CSNK1G2: variants seen among roughly 807,000 people sequenced by gnomAD.
CSNK1G2 encodes casein kinase 1 gamma 2.
Under a neutral mutation model 48.0 loss-of-function variants are expected in CSNK1G2, and 11 were observed. The observed-to-expected ratio is 0.23, with a 90% confidence interval of 0.14 to 0.38. The LOEUF (loss-of-function observed/expected upper bound fraction) is 0.38. Ranked by LOEUF, CSNK1G2 falls within the 10% of genes least tolerant of loss-of-function variation. The pLI, the probability that CSNK1G2 is intolerant of heterozygous loss-of-function variation, is 1.00. For missense variants in CSNK1G2, 446 were observed against 595.5 expected (o/e 0.75, Z 2.61); for synonymous variants, 337 against 254.1 (o/e 1.33, Z -3.10).
intron 1 of CSNK1G2, among the ~76,000 whole-genome samples, chr19:1,960,225 C>A (rs2015153391): frequency 6.6e-6 from 1 of 152,222 alleles, no homozygotes; most frequent in African/African-American, 2.4e-5. Context: ...GGCCTTCTCG[C>A]CCTCAGTCCA....
In CSNK1G2 at chr19:1,979,843, C is replaced by G; in HGVS notation, c.1086+8C>G. ...CCGCACAGCAAAAACCAGGTGAGGC[C>G]CGGGCGGGACCGACCGCCCCAGGGA... On this transcript the variant is annotated splice_region_variant and intron_variant, in intron 10 of 11. Transcript: ENST00000255641. 1 of 1,601,928 alleles carries G rather than the reference C, an allele frequency of 6.2e-7. No homozygotes were observed.
intron 2 of CSNK1G2, chr19:1,975,710 T>G: frequency 1.0e-6 from 1 of 982,466 alleles, no homozygotes; most frequent in Non-Finnish European, 1.2e-6. Flanking sequence ...GCTCTAAAAC[T>G]TCAAACCTGG....
chr19:1,969,283 G>A (rs2015484757), intron 1 of CSNK1G2, among the ~76,000 whole-genome samples: 1 of 72,912 alleles, frequency 1.4e-5, no homozygotes, highest in Non-Finnish European at 2.6e-5. Flanking sequence ...GCCCTACCCT[G>A]TTCGTCCCCA....
chr19:1,969,642 C>T lies in CSNK1G2; in HGVS notation c.-131C>T, dbSNP rs569554209. On this transcript the variant is annotated 5_prime_UTR_variant, in exon 2 of 12. Coordinates refer to ENST00000255641, the MANE Select transcript of CSNK1G2 (RefSeq NM_001319.7). Reference sequence around the variant, plus strand: ...CGCCTGCGTCTCAGTAGCTGGGAGCCACGGGCCCACGCCCGCCCACCGGCC... The same window carrying T: ...CGCCTGCGTCTCAGTAGCTGGGAGCTACGGGCCCACGCCCGCCCACCGGCC... 1.3e-6 allele frequency: 1 copy of T among 799,004 alleles called. No individual in the cohort carries two copies. The highest frequency in any genetic ancestry group is 6.8e-5 in the South Asian group (1 of 14,716). 49.5% of individuals were successfully genotyped at this position (799,004 alleles called of 1,614,324 possible). A position where few individuals can be genotyped will look rare whatever the true frequency, so the allele number is the denominator to read the frequency against.
At position 1,980,196 on chromosome 19, in the gene CSNK1G2, A is replaced by T. The variant is rs1168446534; in HGVS notation, c.1241A>T (p.His414Leu). Residue 414 changes from histidine (H) to leucine (L), a missense_variant, in exon 12 of 12, where the codon CAC becomes CTC. Transcript: ENST00000255641. ...AGAAAGAGAAAATCGCTGCAGCGAC[A>T]CAAGTGACCCTGGGCGCGTGCAGCC... ...KRRKRKSLQR[H>L]K The T allele has an allele frequency of 6.2e-7, 1 of 1,612,884 alleles. No homozygotes were observed. The highest frequency in any genetic ancestry group is 8.5e-7 in the Non-Finnish European group (1 of 1,179,838).
intron 2 of CSNK1G2, chr19:1,975,070 C>T (rs1056516569): frequency 1.0e-6 from 1 of 985,350 alleles, no homozygotes; most frequent in African/African-American, 1.7e-5. Context: ...ACGCCAGCCG[C>T]ACACAGCGGT....
rs1379246571 is a variant in CSNK1G2, at chr19:1,941,252, A to C, written c.-432A>C. ...GAGCCCGGCGCCTCCCGTCCCGAAC[A>C]TGCGGAGGCCGGCCCAGGCGGCGCG... On this transcript the variant is annotated 5_prime_UTR_variant, in exon 1 of 12. The change abolishes an upstream ATG in the 5' untranslated region. Coordinates refer to ENST00000255641, the MANE Select transcript of CSNK1G2 (RefSeq NM_001319.7). The C allele has an allele frequency of 6.9e-6, 1 of 145,640 alleles. No individual in the cohort carries two copies. The highest frequency in any genetic ancestry group is 6.8e-5 in the Admixed American group (1 of 14,634). 9.0% of individuals were successfully genotyped at this position (145,640 alleles called of 1,614,324 possible). A position where few individuals can be genotyped will look rare whatever the true frequency, so the allele number is the denominator to read the frequency against.
rs546730498 is a variant in CSNK1G2 at position 1,950,170 on chromosome 19, C to A, written c.-266+8752C>A. ...TATATTTATTTATGAGACGGAGTCT[C>A]GCTCTGTCCCCCAGGCTGGAGTGTG... On this transcript the variant is annotated intron_variant, in intron 1 of 11. Coordinates refer to ENST00000255641, the MANE Select transcript of CSNK1G2 (RefSeq NM_001319.7). Among the ~76,000 whole-genome samples the A allele has an allele frequency of 2.0e-5, 3 of 152,116 alleles. No homozygotes were observed. The East Asian group carries it at 5.8e-4, about 29-fold the overall frequency.
At position 1,957,094 on chromosome 19, in the gene CSNK1G2, T is replaced by G. The variant is rs1304620303; in HGVS notation, c.-265-12414T>G. Among the ~76,000 whole-genome samples, 1 of 151,930 alleles carries G rather than the reference T, an allele frequency of 6.6e-6. No homozygotes were observed. Among genetic ancestry groups the G allele is most frequent in the Non-Finnish European group, 1.5e-5 (1 of 67,970 alleles). On this transcript the variant is annotated intron_variant, in intron 1 of 11. Transcript: ENST00000255641. The surrounding 1 kb of genome is among the most constrained non-coding windows in gnomAD (Gnocchi z 5.4). ...TTAAACGGTGCCACCCGGAGATTGG[T>G]GGGCGGGATTGGGCCTCTGGGGTCC...
intron 8 of CSNK1G2, 28 bp downstream of exon 8, chr19:1,979,431 T>TGGCGG: frequency 1.1e-6 from 1 of 938,056 alleles, no homozygotes; most frequent in Admixed American, 2.3e-5. Context: ...CCCCGCCCTG[T>TGGCGG]GCCCCCCACC....
rs181139756 is a variant in CSNK1G2, at chr19:1,949,151, C to T, written c.-266+7733C>T. Among the ~76,000 whole-genome samples, 75 of 152,324 alleles carry T rather than the reference C, an allele frequency of 4.9e-4. No homozygotes were observed. The East Asian group carries it at 9.3e-3, about 19-fold the overall frequency. ...GTTCAAACCTGCCGTGGTCAAGGCT[C>T]CTCTGTGAGTGCAGCCACCACCTGT... is the stretch of plus-strand genomic sequence containing the variant. On this transcript the variant is annotated intron_variant, in intron 1 of 11. Coordinates refer to ENST00000255641, the MANE Select transcript of CSNK1G2 (RefSeq NM_001319.7).
chr19:1,958,333 C>T (rs976844927), intron 1 of CSNK1G2, among the ~76,000 whole-genome samples: 1 of 151,962 alleles, frequency 6.6e-6, no homozygotes, highest in Non-Finnish European at 1.5e-5. Flanking sequence ...CCGGCAGGGC[C>T]GTCTTGCAGG....
chr19:1,976,000 A>T, intron 2 of CSNK1G2: 1 of 1,166,798 alleles, frequency 8.6e-7, no homozygotes, highest in Non-Finnish European at 1.1e-6. Context: ...GCGCCAGTGC[A>T]CTCCAGCCTG....
At chr19:1,958,094 G>A (rs1290736697) in intron 1 of CSNK1G2, among the ~76,000 whole-genome samples, 17 of 152,090 alleles carry the variant, frequency 1.1e-4, no homozygotes, top group Admixed American at 1.1e-3. Context: ...TGAGTAAGGG[G>A]CCCCTCCCGA....
Position 1,979,482 on chromosome 19 carries a change from G to T in CSNK1G2, c.854-13G>T. 6.5e-7 allele frequency: 1 copy of T among 1,536,650 alleles called. No homozygotes were observed. ...CCACCCCCGCCGAGGCCCCGCTGGC[G>T]CTCTCTCTGCAGAGGAGATGGCCAC... On this transcript the variant is annotated splice_polypyrimidine_tract_variant and intron_variant, in intron 8 of 11. Coordinates refer to ENST00000255641, the MANE Select transcript of CSNK1G2 (RefSeq NM_001319.7).
chr19:1,979,631 C>T lies in CSNK1G2; in HGVS notation c.990C>T (p.Ala330=), dbSNP rs1030387085. 1.0e-5 allele frequency: 16 copies of T among 1,603,910 alleles called. No homozygotes were observed. The highest frequency in any genetic ancestry group is 4.4e-5 in the South Asian group (4 of 91,084). ...GFVFDYEYDW[A]GKPLPTPIGT... is the part of the protein sequence containing the mutation. ...TGTTCGACTATGAGTACGACTGGGC[C>T]GGGAAGCCCCTGGTAGGTGGGGGGG... The change falls in exon 9 of 12, where the codon GCC becomes GCT. Residue 330 remains alanine, a synonymous_variant. Coordinates refer to ENST00000255641, the MANE Select transcript of CSNK1G2 (RefSeq NM_001319.7).
intron 2 of CSNK1G2, chr19:1,975,379 C>G (rs977493518): frequency 1.0e-6 from 1 of 985,356 alleles, no homozygotes; most frequent in Non-Finnish European, 1.2e-6. Flanking sequence ...GACACTTTGC[C>G]GGAGAAGGGG....
chr19:1,946,248 G>T (rs1393999672), intron 1 of CSNK1G2, among the ~76,000 whole-genome samples: 1 of 112,940 alleles, frequency 8.9e-6, no homozygotes, highest in African/African-American at 2.9e-5. Context: ...GCCAGGGCTG[G>T]CCCATCACTA....
At chr19:1,942,851 C>A (rs2014419173) in intron 1 of CSNK1G2, among the ~76,000 whole-genome samples, 1 of 152,154 alleles carries the variant, frequency 6.6e-6, no homozygotes, top group African/African-American at 2.4e-5. Context: ...GTTTTGTTTT[C>A]CCCTGTGTCT....
Sources: gnomAD v4.1 joint callset for allele counts (sites outside exome capture counted in the v4.1 genomes callset) on GRCh38, gnomAD v4.1.1 for gene constraint, Gnocchi (gnomAD v3.1) non-coding constraint, MANE v1.5 for transcripts, NCBI Gene and HGNC (gene_info 2026-07-23, HGNC 2026-07-21) for gene names.